GLB1: variants seen among roughly 807,000 people sequenced by gnomAD.
GLB1 encodes beta-galactosidase.
In GLB1, 56 loss-of-function variants were observed where a neutral mutation model predicts 74.0. That is an observed-to-expected ratio of 0.76 (90% CI 0.61 to 0.94). GLB1 has a LOEUF of 0.94. Ranked by LOEUF, GLB1 falls within the 40% of genes least tolerant of loss-of-function variation. The pLI is 0.00. For missense variants in GLB1, 787 were observed against 845.5 expected (o/e 0.93, Z 0.86); for synonymous variants, 323 against 323.6 (o/e 1.00, Z 0.02).
intron 1 of GLB1, among the ~76,000 whole-genome samples, chr3:33,086,484 C>A: frequency 6.6e-6 from 1 of 152,178 alleles, no homozygotes; most frequent in East Asian, 1.9e-4. Context: ...CAACAATCAC[C>A]AATGACTGCT....
chr3:32,972,345 C>A, the GLB1 span, among the ~76,000 whole-genome samples: 2 of 152,102 alleles, frequency 1.3e-5, no homozygotes, highest in Admixed American at 6.5e-5. Context: ...TTAATTTAAC[C>A]AACTGTTGCC....
At chr3:32,967,972 C>T in the GLB1 span, among the ~76,000 whole-genome samples, 3 of 152,262 alleles carry the variant, frequency 2.0e-5, no homozygotes, top group East Asian at 5.8e-4. Context: ...TGATCACCTC[C>T]CGGGGAATGA....
At chr3:33,015,361 A>C (rs769298183) in intron 14 of GLB1, among the ~76,000 whole-genome samples, 11 of 152,178 alleles carry the variant, frequency 7.2e-5, no homozygotes, top group Non-Finnish European at 1.6e-4. Flanking sequence ...ATACTGTGAT[A>C]CCTTAAGAGG....
At chr3:33,039,972 T>C (rs1328401258) in intron 10 of GLB1, among the ~76,000 whole-genome samples, 2 of 152,202 alleles carry the variant, frequency 1.3e-5, no homozygotes, top group East Asian at 3.8e-4. Flanking sequence ...AATGGTATTT[T>C]GAAAATGCTG....
chr3:33,034,102 T>C (rs1466266974), intron 10 of GLB1: 4 of 587,062 alleles, frequency 6.8e-6, no homozygotes, highest in Non-Finnish European at 1.3e-5. Context: ...GCTCCTATGA[T>C]TGGAAAGTCA....
Position 33,093,154 on chromosome 3 carries a change from C to CA in GLB1, c.75+3856dup, listed in dbSNP as rs1245016638. ...TCCAGGGCCTTGTCAAGATCCATGC[C>CA]ATGGCCAGAGTAGTGCAGGATGTCT... On this transcript the variant is annotated intron_variant, in intron 1 of 15. Transcript: ENST00000307363. This position sits in a 1 kb window ranked among gnomAD's most constrained non-coding sequence, Gnocchi z 6.0. 1.2e-6 allele frequency: 2 copies of CA among 1,614,184 alleles called. No homozygotes were observed. Among genetic ancestry groups the CA allele is most frequent in the South Asian group, 2.2e-5 (2 of 91,080 alleles).
intron 1 of GLB1, among the ~76,000 whole-genome samples, chr3:33,088,650 T>C (rs1340532661): frequency 1.3e-5 from 2 of 151,898 alleles, no homozygotes; most frequent in Non-Finnish European, 2.9e-5. Flanking sequence ...CACAAACAAA[T>C]GGAAAAAACA....
chr3:33,035,780 A>G (rs1022090871), intron 10 of GLB1, among the ~76,000 whole-genome samples: 4 of 152,194 alleles, frequency 2.6e-5, no homozygotes, highest in Non-Finnish European at 5.9e-5. Flanking sequence ...GGAATTTGTA[A>G]TGATTTCTTG....
chr3:33,097,113 G>T lies in GLB1; in HGVS notation c.-28C>A. 6.2e-7 allele frequency: 1 copy of T among 1,610,138 alleles called. No homozygotes were observed. On this transcript the variant is annotated 5_prime_UTR_variant, in exon 1 of 16. Transcript: ENST00000307363. ...CCACCAGCCTCCCGGCTCTGCAGTC[G>T]GCGCCCAGGCCGGCCGCTTCGCGTC... is the stretch of plus-strand genomic sequence containing the variant.
intron 15 of GLB1, among the ~76,000 whole-genome samples, chr3:32,999,160 G>A (rs778844360): frequency 1.5e-4 from 23 of 152,224 alleles, no homozygotes; most frequent in Non-Finnish European, 1.3e-4. Flanking sequence ...CATTTAGAAA[G>A]AGGACGACAG....
chr3:33,017,900 T>C (rs566743798), intron 13 of GLB1, among the ~76,000 whole-genome samples: 7 of 152,146 alleles, frequency 4.6e-5, no homozygotes, highest in African/African-American at 1.4e-4. Context: ...CACAGCCCTC[T>C]GGGTTAAGAT....
intron 5 of GLB1, among the ~76,000 whole-genome samples, chr3:33,060,141 G>A (rs903562540): frequency 3.9e-5 from 6 of 152,266 alleles, no homozygotes; most frequent in Non-Finnish European, 7.4e-5. Flanking sequence ...AAATGCTGCC[G>A]TCGTTATCTG....
At position 32,998,228 on chromosome 3, in the gene GLB1, C is replaced by T. The variant is rs1575393709; in HGVS notation, c.1735-884G>A. ...ATGTGCTAAAATTTGCTCAAAGGGG[C>T]TGAGTGCAGTGGCTCATGCCTGTAA... On this transcript the variant is annotated intron_variant, in intron 15 of 15. Coordinates refer to ENST00000307363, the MANE Select transcript of GLB1 (RefSeq NM_000404.4). Among the ~76,000 whole-genome samples the T allele has an allele frequency of 2.6e-5, 4 of 152,252 alleles. No individual in the cohort carries two copies. The South Asian group carries it at 8.3e-4, about 31-fold the overall frequency.
chr3:33,026,389 G>A (rs1180379890), intron 10 of GLB1, among the ~76,000 whole-genome samples: 2 of 152,196 alleles, frequency 1.3e-5, no homozygotes, highest in Admixed American at 6.5e-5. Context: ...GAGCACAGGA[G>A]GGAGGCCGAG....
chr3:33,091,048 C>CA (rs1700737978), intron 1 of GLB1: 1 of 985,288 alleles, frequency 1.0e-6, no homozygotes, highest in Admixed American at 6.1e-5. Context: ...TTACCAGCCG[C>CA]ATCAAACAGT....
intron 10 of GLB1, among the ~76,000 whole-genome samples, chr3:33,027,015 C>G (rs1323150426): frequency 1.3e-5 from 2 of 152,246 alleles, no homozygotes; most frequent in African/African-American, 4.8e-5. Context: ...ACAAATAGGG[C>G]TGAAACATGC....
chr3:33,008,671 C>T lies in GLB1; in HGVS notation c.1734+5385G>A, dbSNP rs184162736. Among the ~76,000 whole-genome samples the T allele has an allele frequency of 4.1e-4, 63 of 152,216 alleles. No individual in the cohort carries two copies. The East Asian group carries it at 6.0e-3, about 14-fold the overall frequency. Reference sequence around the variant, plus strand: ...GGCAACAATGAGGGGATGGTAGCCACGATGAATGCGCTGAGAAGTCCCTTA... The same window carrying T: ...GGCAACAATGAGGGGATGGTAGCCATGATGAATGCGCTGAGAAGTCCCTTA... On this transcript the variant is annotated intron_variant, in intron 15 of 15. Coordinates refer to ENST00000307363, the MANE Select transcript of GLB1 (RefSeq NM_000404.4).
intron 1 of GLB1, among the ~76,000 whole-genome samples, chr3:33,089,382 T>C (rs188773676): frequency 6.6e-6 from 1 of 152,330 alleles, no homozygotes; most frequent in Admixed American, 6.5e-5. Flanking sequence ...GATAAGGGGT[T>C]AATGTCCAGA....
Position 33,021,201 on chromosome 3 carries a change from G to C in GLB1, c.1233+365C>G. ...CACAGTCCTTATGCCATTGAACTAA[G>C]AACAAATAATTAAACTGTCTGTTTT... On this transcript the variant is annotated intron_variant, in intron 12 of 15. Transcript: ENST00000307363. 6 of 304,566 alleles carry C rather than the reference G, an allele frequency of 2.0e-5. No individual in the cohort carries two copies. In the South Asian group the frequency reaches 2.1e-4, roughly 11 times the overall value. The allele number at this position is 304,566 out of a possible 1,614,324, so 18.9% of individuals were successfully genotyped here.
Sources: gnomAD v4.1 joint callset for allele counts (sites outside exome capture counted in the v4.1 genomes callset) on GRCh38, gnomAD v4.1.1 for gene constraint, Gnocchi (gnomAD v3.1) non-coding constraint, MANE v1.5 for transcripts, NCBI Gene and HGNC (gene_info 2026-07-23, HGNC 2026-07-21) for gene names.